Variants in AP3S1 observed in about 807,000 individuals in gnomAD.
AP3S1 encodes adaptor related protein complex 3 subunit sigma 1, also known as AP-3 complex subunit sigma-1.
AP3S1 carries 12 observed loss-of-function variants against 21.3 expected under a neutral mutation model. The ratio of observed to expected loss-of-function variants is 0.56; its 90% CI spans 0.36 to 0.91. The LOEUF (loss-of-function observed/expected upper bound fraction) is 0.91. Among genes scored for constraint, AP3S1 ranks in the 40% least tolerant of loss-of-function variants. AP3S1 has a pLI of 0.01. For missense variants in AP3S1, 116 were observed against 225.0 expected (o/e 0.52, Z 3.10); for synonymous variants, 48 against 78.4 (o/e 0.61, Z 2.05).
intron 3 of AP3S1, among the ~76,000 whole-genome samples, chr5:115,887,558 C>T (rs889776083): frequency 6.6e-6 from 1 of 151,690 alleles, no homozygotes; most frequent in Non-Finnish European, 1.5e-5. Flanking sequence ...ATTTTTATTT[C>T]TCCGTGTGTT....
chr5:115,886,546 T>C (rs1208302309), intron 3 of AP3S1, among the ~76,000 whole-genome samples: 2 of 152,226 alleles, frequency 1.3e-5, no homozygotes, highest in African/African-American at 2.4e-5. Flanking sequence ...ATTGTAAGAT[T>C]GCAGTATAGA....
At chr5:115,902,023 A>G (rs1266920027) in intron 4 of AP3S1, among the ~76,000 whole-genome samples, 4 of 152,212 alleles carry the variant, frequency 2.6e-5, no homozygotes, top group Non-Finnish European at 5.9e-5. Context: ...AGGTGCCTAT[A>G]TTATTTCTGT....
At chr5:115,859,119 G>T (rs570600023) in intron 1 of AP3S1, among the ~76,000 whole-genome samples, 1 of 152,216 alleles carries the variant, frequency 6.6e-6, no homozygotes, top group Non-Finnish European at 1.5e-5. Context: ...ACTGAAAGCT[G>T]ATTGGAAGCT....
Position 115,841,987 on chromosome 5 carries a change from G to T in AP3S1, c.-51G>T, listed in dbSNP as rs1226871372. The T allele has an allele frequency of 1.8e-5, 28 of 1,539,844 alleles. No homozygotes were observed. The highest frequency in any genetic ancestry group is 2.5e-5 in the East Asian group (1 of 39,920). On this transcript the variant is annotated 5_prime_UTR_variant, in exon 1 of 6. Coordinates refer to ENST00000316788, the MANE Select transcript of AP3S1 (RefSeq NM_001284.4). Reference sequence around the variant, plus strand: ...CGAGATTACGAGGCGAGGCTCGCGCGCCCGCCCCCGCCCTGGCCCCCAGTG... The same window carrying T: ...CGAGATTACGAGGCGAGGCTCGCGCTCCCGCCCCCGCCCTGGCCCCCAGTG...
At position 115,866,700 on chromosome 5, in the gene AP3S1, G is replaced by T; in HGVS notation, c.100G>T (p.Glu34Ter). The T allele has an allele frequency of 3.7e-6, 6 of 1,605,744 alleles. No homozygotes were observed. The highest frequency in any genetic ancestry group is 5.1e-6 in the Non-Finnish European group (6 of 1,174,834). Reference protein sequence around the residue: ...SEDTQQQIIRETFHLVSKRDE... With the variant: ...SEDTQQQIIR Reference sequence around the variant, plus strand: ...AGATACACAACAGCAAATCATCAGGGAGACTTTCCATTTGGTATCTAAGAG... The same window carrying T: ...AGATACACAACAGCAAATCATCAGGTAGACTTTCCATTTGGTATCTAAGAG... Residue 34 changes from glutamate (E) to a stop codon, truncating the protein, a stop_gained, in exon 2 of 6, where the codon GAG becomes TAG. Transcript: ENST00000316788. LOFTEE classifies it high-confidence loss of function.
At chr5:115,880,844 A>G (rs1163634657) in intron 3 of AP3S1, among the ~76,000 whole-genome samples, 2 of 152,064 alleles carry the variant, frequency 1.3e-5, no homozygotes, top group African/African-American at 4.8e-5. Context: ...ATCTCTTTGT[A>G]TGTTTCTAAG....
At chr5:115,891,479 T>C (rs1231990603) in intron 3 of AP3S1, among the ~76,000 whole-genome samples, 1 of 152,170 alleles carries the variant, frequency 6.6e-6, no homozygotes, top group Non-Finnish European at 1.5e-5. Context: ...TGATGGTAAA[T>C]TGGGATTCTT....
chr5:115,910,955 CT>C (rs767281061), intron 5 of AP3S1, among the ~76,000 whole-genome samples: 12 of 152,068 alleles, frequency 7.9e-5, no homozygotes, highest in Non-Finnish European at 1.3e-4. Flanking sequence ...TTTGCGTGTT[CT>C]GAATAGTTCC....
chr5:115,863,441 C>T (rs988630584), intron 1 of AP3S1, among the ~76,000 whole-genome samples: 6 of 150,342 alleles, frequency 4.0e-5, no homozygotes, highest in East Asian at 2.0e-4. Context: ...GGCATGGTGG[C>T]GGGAACCTGT....
chr5:115,855,421 C>T (rs553472521), intron 1 of AP3S1, among the ~76,000 whole-genome samples: 37 of 152,188 alleles, frequency 2.4e-4, no homozygotes, highest in African/African-American at 3.4e-4. Context: ...TCACTGCAGC[C>T]TTGATCTCCC....
chr5:115,902,127 T>C (rs949289140), intron 4 of AP3S1, among the ~76,000 whole-genome samples: 8 of 152,196 alleles, frequency 5.3e-5, no homozygotes, highest in African/African-American at 1.4e-4. Context: ...TTCATACTTA[T>C]CTAATTTTGG....
chr5:115,855,392 T>C (rs1762733293), intron 1 of AP3S1, among the ~76,000 whole-genome samples: 1 of 151,382 alleles, frequency 6.6e-6, no homozygotes, highest in South Asian at 2.1e-4. Flanking sequence ...TAGGCTGGAG[T>C]CCGGTGGTAT....
intron 1 of AP3S1, among the ~76,000 whole-genome samples, chr5:115,864,702 C>CA (rs968157696): frequency 1.3e-5 from 2 of 152,040 alleles, no homozygotes; most frequent in African/African-American, 4.8e-5. Flanking sequence ...GTGAATGTAG[C>CA]AAAAAAGGTG....
chr5:115,913,313 A>T (rs371054614), intron 5 of AP3S1, 49 bp from the exon 6 acceptor site: 32 of 1,136,128 alleles, frequency 2.8e-5, no homozygotes, highest in Non-Finnish European at 3.1e-5. Context: ...ATGATGAGCT[A>T]CACCTGAGTT....
intron 3 of AP3S1, among the ~76,000 whole-genome samples, chr5:115,880,091 C>G (rs182166698): frequency 3.9e-5 from 6 of 152,130 alleles, no homozygotes. Context: ...TTTGATTACC[C>G]TTTTCTTCTT....
At chr5:115,870,240 T>G (rs1748107440) in intron 3 of AP3S1, 112 bp downstream of exon 3, 1 of 638,230 alleles carries the variant, frequency 1.6e-6, no homozygotes, top group South Asian at 1.9e-5. Flanking sequence ...ATAAAGCATT[T>G]CATAATAGAT....
chr5:115,899,253 C>A (rs1751014581), intron 4 of AP3S1, among the ~76,000 whole-genome samples: 1 of 152,182 alleles, frequency 6.6e-6, no homozygotes, highest in Non-Finnish European at 1.5e-5. Context: ...GAACGAGAGA[C>A]TCCTTTTACT....
chr5:115,908,008 A>T (rs1204996546), intron 5 of AP3S1, among the ~76,000 whole-genome samples: 1 of 152,166 alleles, frequency 6.6e-6, no homozygotes, highest in African/African-American at 2.4e-5. Flanking sequence ...CATCACTGAG[A>T]ATTGATGATT....
intron 1 of AP3S1, among the ~76,000 whole-genome samples, chr5:115,865,412 T>G (rs1436432025): frequency 6.6e-6 from 1 of 152,186 alleles, no homozygotes; most frequent in Non-Finnish European, 1.5e-5. Flanking sequence ...TGCCACATTG[T>G]TCAAGGGTCA....
Sources: gnomAD v4.1 joint callset for allele counts (sites outside exome capture counted in the v4.1 genomes callset) on GRCh38, gnomAD v4.1.1 for gene constraint, MANE v1.5 for transcripts, NCBI Gene and HGNC (gene_info 2026-07-23, HGNC 2026-07-21) for gene names.